Variants in XKR4 observed in about 807,000 individuals in gnomAD.
XKR4 encodes XK-related protein 4.
XKR4 carries 12 observed loss-of-function variants against 53.9 expected under a neutral mutation model. The observed-to-expected ratio is 0.22, with a 90% CI of 0.14 to 0.36. The LOEUF is 0.36. Ranked by LOEUF, XKR4 falls within the 10% of genes least tolerant of loss-of-function variation. XKR4 has a pLI of 1.00. For synonymous variants in XKR4, 354 were observed against 362.4 expected (o/e 0.98, Z 0.26); for missense variants, 799 against 859.5 (o/e 0.93, Z 0.88).
chr8:55,161,745 C>G, intron 1 of XKR4: 1 of 393,658 alleles, frequency 2.5e-6, no homozygotes, highest in South Asian at 1.9e-5. Flanking sequence ...ACTTACTGCA[C>G]ATACATTCAT....
At chr8:55,270,772 T>C (rs1818679325) in intron 1 of XKR4, among the ~76,000 whole-genome samples, 1 of 152,196 alleles carries the variant, frequency 6.6e-6, no homozygotes, top group East Asian at 1.9e-4. Context: ...ATTTTGGTGA[T>C]AGCTCTCTTT....
chr8:55,480,099 A>C (rs1368026431), intron 2 of XKR4, among the ~76,000 whole-genome samples: 2 of 152,218 alleles, frequency 1.3e-5, no homozygotes, highest in Non-Finnish European at 2.9e-5. Context: ...ACACCAACAA[A>C]AAAGAGAATT....
At chr8:55,521,742 G>GT in intron 2 of XKR4, among the ~76,000 whole-genome samples, 1 of 152,290 alleles carries the variant, frequency 6.6e-6, no homozygotes, top group East Asian at 1.9e-4. Context: ...GGGGTTGAAT[G>GT]TATTTCCTGT....
At chr8:55,273,058 TA>T (rs1428948898) in intron 1 of XKR4, among the ~76,000 whole-genome samples, 2 of 152,142 alleles carry the variant, frequency 1.3e-5, no homozygotes, top group African/African-American at 4.8e-5. Flanking sequence ...AAGAAAACAT[TA>T]CAAGATCTGT....
chr8:55,500,603 A>C (rs982263612), intron 2 of XKR4, among the ~76,000 whole-genome samples: 1 of 152,098 alleles, frequency 6.6e-6, no homozygotes, highest in African/African-American at 2.4e-5. Flanking sequence ...TCCAACCCTA[A>C]TCTAGGAAAA....
chr8:55,459,032 G>A (rs1805610651), intron 2 of XKR4, among the ~76,000 whole-genome samples: 1 of 152,084 alleles, frequency 6.6e-6, no homozygotes, highest in East Asian at 1.9e-4. Context: ...TAACCATAAA[G>A]CTACAGTAAT....
intron 2 of XKR4, among the ~76,000 whole-genome samples, chr8:55,438,923 G>A (rs1372323994): frequency 6.6e-6 from 1 of 152,088 alleles, no homozygotes; most frequent in East Asian, 1.9e-4. Flanking sequence ...GTTTTAATGA[G>A]CCCAAGTAAT....
chr8:55,449,727 G>T, intron 2 of XKR4: 1 of 927,550 alleles, frequency 1.1e-6, no homozygotes, highest in Non-Finnish European at 1.8e-6. Flanking sequence ...GTGTCCACAC[G>T]GTGGTCGTAG....
At chr8:55,197,993 G>T (rs1203768325) in intron 1 of XKR4, among the ~76,000 whole-genome samples, 2 of 152,290 alleles carry the variant, frequency 1.3e-5, no homozygotes, top group Middle Eastern at 6.8e-3. Context: ...CAGACTGAAG[G>T]CCTCTACACT....
chr8:55,171,849 T>C (rs1054681990), intron 1 of XKR4, among the ~76,000 whole-genome samples: 1 of 152,112 alleles, frequency 6.6e-6, no homozygotes, highest in Non-Finnish European at 1.5e-5. Flanking sequence ...CAGATCCCCA[T>C]CGTCCATCAC....
chr8:55,358,002 T>A (rs1037336184), intron 2 of XKR4, 125 bp downstream of exon 2: 1 of 924,604 alleles, frequency 1.1e-6, no homozygotes, highest in African/African-American at 1.7e-5. Context: ...CTGTTTTACA[T>A]GTGTTTCGTG....
At chr8:55,273,736 C>G (rs1307625059) in intron 1 of XKR4, among the ~76,000 whole-genome samples, 1 of 152,196 alleles carries the variant, frequency 6.6e-6, no homozygotes, top group South Asian at 2.1e-4. Context: ...TGGCCTCCCC[C>G]CACTCGCCAA....
intron 1 of XKR4, among the ~76,000 whole-genome samples, chr8:55,349,967 C>T (rs1324800738): frequency 2.0e-5 from 3 of 152,156 alleles, no homozygotes; most frequent in Non-Finnish European, 4.4e-5. Context: ...GAGATCATCA[C>T]TTTAATATTT....
chr8:55,140,835 T>G (rs1446838004), intron 1 of XKR4, among the ~76,000 whole-genome samples: 5 of 152,128 alleles, frequency 3.3e-5, no homozygotes, highest in Admixed American at 1.3e-4. Context: ...AGAAGAGTAA[T>G]CTCTGTCAAC....
At chr8:55,177,176 A>G (rs1023284761) in intron 1 of XKR4, among the ~76,000 whole-genome samples, 7 of 151,878 alleles carry the variant, frequency 4.6e-5, no homozygotes, top group African/African-American at 1.7e-4. Flanking sequence ...AGCTGGGATT[A>G]CAGGTGTGTG....
chr8:55,183,519 T>C (rs1018971567), intron 1 of XKR4, among the ~76,000 whole-genome samples: 3 of 152,126 alleles, frequency 2.0e-5, no homozygotes. Context: ...GTATACTGCT[T>C]AATTTTCAAA....
At chr8:55,226,387 C>T (rs1410102741) in intron 1 of XKR4, among the ~76,000 whole-genome samples, 1 of 152,132 alleles carries the variant, frequency 6.6e-6, no homozygotes. Context: ...CTTTGCTATG[C>T]GTGAAGTTAA....
chr8:55,438,832 A>G (rs900847953), intron 2 of XKR4, among the ~76,000 whole-genome samples: 2 of 152,218 alleles, frequency 1.3e-5, no homozygotes, highest in Non-Finnish European at 1.5e-5. Flanking sequence ...AAACAACAGG[A>G]AAGCACTATC....
intron 2 of XKR4, among the ~76,000 whole-genome samples, chr8:55,435,092 G>A (rs1805155402): frequency 6.6e-6 from 1 of 152,170 alleles, no homozygotes; most frequent in Non-Finnish European, 1.5e-5. Flanking sequence ...GTCTTGGCTG[G>A]TCAAAAGATG....
Sources: allele counts gnomAD v4.1 joint callset (sites outside exome capture counted in the v4.1 genomes callset), GRCh38; gene constraint gnomAD v4.1.1; transcripts MANE v1.5; gene names NCBI Gene and HGNC (gene_info 2026-07-23, HGNC 2026-07-21).